ACSS3: variants seen among roughly 807,000 people sequenced by gnomAD.
ACSS3 encodes acyl-CoA synthetase short-chain family member 3, mitochondrial.
In ACSS3, 64 loss-of-function variants were observed where a neutral mutation model predicts 84.2. The observed-to-expected ratio is 0.76, with a 90% CI of 0.62 to 0.94. The LOEUF (loss-of-function observed/expected upper bound fraction) is 0.94. Among genes scored for constraint, ACSS3 ranks in the 40% least tolerant of loss-of-function variants. The pLI is 0.00. For missense variants in ACSS3, 815 were observed against 867.6 expected, an observed-to-expected ratio of 0.94 and a Z score of 0.76; for synonymous variants, 317 against 310.1, an observed-to-expected ratio of 1.02 and a Z score of -0.23.
At chr12:81,248,677 G>A (rs1026269826) in intron 13 of ACSS3, among the ~76,000 whole-genome samples, 2 of 151,942 alleles carry the variant, frequency 1.3e-5, no homozygotes, top group Non-Finnish European at 2.9e-5. Context: ...TAATAACAAT[G>A]TATAGTTCAA....
chr12:81,151,696 T>C (rs543458651), intron 5 of ACSS3, 148 bp from the exon 6 acceptor site: 127 of 629,762 alleles, frequency 2.0e-4, no homozygotes, highest in Non-Finnish European at 3.2e-4. Context: ...GAAATAATGA[T>C]TCAAAGATAA....
intron 4 of ACSS3, among the ~76,000 whole-genome samples, chr12:81,141,366 A>G (rs1319830140): frequency 2.6e-5 from 4 of 152,176 alleles, no homozygotes; most frequent in African/African-American, 7.2e-5. Context: ...GGTGTGTCTT[A>G]TTAACCAGGA....
chr12:81,256,839 A>G lies in ACSS3; in HGVS notation c.*1917A>G, dbSNP rs1490575057. ...TCTACTTTTTCCTTTTAATTATGTT[A>G]GTAGACTGAATTAAACCAGCTACAT... is the stretch of plus-strand genomic sequence containing the variant. On this transcript the variant is annotated 3_prime_UTR_variant, in exon 16 of 16. Transcript: ENST00000548058. The G allele has an allele frequency of 6.6e-6, 1 of 152,138 alleles. No homozygotes were observed. Among genetic ancestry groups the G allele is most frequent in the Non-Finnish European group, 1.5e-5 (1 of 68,020 alleles). 9.4% of individuals were successfully genotyped at this position (152,138 alleles called of 1,614,324 possible).
chr12:81,102,068 CAT>C (rs1241882376), intron 1 of ACSS3, among the ~76,000 whole-genome samples: 99 of 146,570 alleles, frequency 6.8e-4, no homozygotes, highest in African/African-American at 2.4e-3. Flanking sequence ...CACACACACA[CAT>C]ATTCTAGCAC....
intron 8 of ACSS3, among the ~76,000 whole-genome samples, chr12:81,177,118 C>A (rs566419693): frequency 6.6e-6 from 1 of 151,990 alleles, no homozygotes; most frequent in Admixed American, 6.6e-5. Flanking sequence ...ATTTAGTATC[C>A]CTTCATTTTA....
intron 9 of ACSS3, among the ~76,000 whole-genome samples, chr12:81,216,521 GT>G (rs1282589257): frequency 6.6e-6 from 1 of 151,964 alleles, no homozygotes; most frequent in Non-Finnish European, 1.5e-5. Context: ...ATAACTTTAG[GT>G]GAGTCAAGAG....
At chr12:81,231,581 T>C (rs559159028) in intron 12 of ACSS3, among the ~76,000 whole-genome samples, 1 of 151,904 alleles carries the variant, frequency 6.6e-6, no homozygotes, top group Admixed American at 6.6e-5. Flanking sequence ...GAAGTTGTAT[T>C]TTTCCACTTC....
intron 13 of ACSS3, among the ~76,000 whole-genome samples, chr12:81,249,484 G>A (rs556295999): frequency 3.4e-4 from 51 of 152,086 alleles, no homozygotes; most frequent in African/African-American, 1.2e-3. Flanking sequence ...GCCTTTTTGA[G>A]GGTTGTTCTA....
chr12:81,127,605 A>T (rs2574742), intron 2 of ACSS3, among the ~76,000 whole-genome samples: 135,251 of 152,210 alleles, frequency 0.89, 61,116 homozygotes, highest in Middle Eastern at 0.97. Flanking sequence ...CTCAGATATT[A>T]TAATTGGTTT....
At chr12:81,201,184 A>T (rs6539564) in intron 9 of ACSS3, among the ~76,000 whole-genome samples, 2 of 151,994 alleles carry the variant, frequency 1.3e-5, no homozygotes, top group Non-Finnish European at 2.9e-5. Flanking sequence ...TCTGCAAGAA[A>T]AATGTTTACA....
At chr12:81,179,129 A>G (rs1392597561) in intron 8 of ACSS3, among the ~76,000 whole-genome samples, 1 of 152,100 alleles carries the variant, frequency 6.6e-6, no homozygotes. Flanking sequence ...CTTTCACCAC[A>G]TACAAAAATC....
intron 9 of ACSS3, among the ~76,000 whole-genome samples, chr12:81,204,608 T>C (rs1346687619): frequency 1.3e-5 from 2 of 152,158 alleles, no homozygotes; most frequent in African/African-American, 4.8e-5. Flanking sequence ...GCTACAAAGA[T>C]AGAATACTCA....
intron 8 of ACSS3, among the ~76,000 whole-genome samples, chr12:81,196,081 A>G (rs2031814039): frequency 6.6e-6 from 1 of 152,194 alleles, no homozygotes; most frequent in South Asian, 2.1e-4. Flanking sequence ...ATTCCGTGAC[A>G]CTTGCATACC....
chr12:81,245,465 A>C (rs138150935), intron 13 of ACSS3, among the ~76,000 whole-genome samples: 2 of 152,324 alleles, frequency 1.3e-5, no homozygotes, highest in African/African-American at 2.4e-5. Context: ...CTGTCTCAAA[A>C]AAACAAACAA....
intron 9 of ACSS3, among the ~76,000 whole-genome samples, chr12:81,216,393 G>A (rs781133522): frequency 3.3e-5 from 5 of 151,970 alleles, no homozygotes; most frequent in East Asian, 1.9e-4. Flanking sequence ...GGCAGAAACC[G>A]CAATTACTTT....
chr12:81,104,655 A>G (rs1882821092), intron 1 of ACSS3: 1 of 151,990 alleles, frequency 6.6e-6, no homozygotes, highest in African/African-American at 2.4e-5. Flanking sequence ...ATCTAGGATG[A>G]AAGGTTGTAA....
At chr12:81,171,168 C>T (rs1038271908) in intron 7 of ACSS3, among the ~76,000 whole-genome samples, 3 of 152,100 alleles carry the variant, frequency 2.0e-5, no homozygotes, top group South Asian at 4.1e-4. Flanking sequence ...TTCACAAAAT[C>T]GTTCCCAGAA....
At chr12:81,127,317 C>T (rs1454555679) in intron 2 of ACSS3, among the ~76,000 whole-genome samples, 3 of 151,978 alleles carry the variant, frequency 2.0e-5, no homozygotes, top group Admixed American at 1.3e-4. Flanking sequence ...GTTTTACTAT[C>T]ATTCCAGATC....
rs181134723 is a variant in ACSS3, at chr12:81,140,095, C to T, written c.780+830C>T. ...CATGCGCTCTGACTGCATGCTTAAT[C>T]CCTCAGCTATACTGACTCTTGGAGT... On this transcript the variant is annotated intron_variant, in intron 4 of 15. Coordinates refer to ENST00000548058, the MANE Select transcript of ACSS3 (RefSeq NM_024560.4). Among the ~76,000 whole-genome samples, 39 of 152,292 alleles carry T rather than the reference C, an allele frequency of 2.6e-4. No individual in the cohort carries two copies. In the East Asian group the frequency reaches 6.6e-3, roughly 26 times the overall value.
Sources: gnomAD v4.1 joint callset for allele counts (sites outside exome capture counted in the v4.1 genomes callset) on GRCh38, gnomAD v4.1.1 for gene constraint, MANE v1.5 for transcripts, NCBI Gene and HGNC (gene_info 2026-07-23, HGNC 2026-07-21) for gene names.